LRRTM4: variants seen among roughly 807,000 people sequenced by gnomAD.
The protein encoded by LRRTM4 is leucine-rich repeat transmembrane neuronal protein 4.
LRRTM4 carries 25 observed loss-of-function variants against 47.6 expected under a neutral mutation model. The observed-to-expected ratio is 0.53, with a 90% CI of 0.38 to 0.73. The LOEUF (loss-of-function observed/expected upper bound fraction) is 0.73. LRRTM4 is among the 30% of genes least tolerant of loss of function. The pLI, the probability that LRRTM4 is intolerant of heterozygous loss-of-function variation, is 0.00. For missense variants in LRRTM4, 638 were observed against 713.4 expected, an observed-to-expected ratio of 0.89 and a Z score of 1.20; for synonymous variants, 311 against 269.5, an observed-to-expected ratio of 1.15 and a Z score of -1.51.
chr2:77,323,828 C>G (rs778053436), intron 3 of LRRTM4, among the ~76,000 whole-genome samples: 1 of 151,904 alleles, frequency 6.6e-6, no homozygotes, highest in East Asian at 1.9e-4. Flanking sequence ...TGGTCTTGGG[C>G]GAGTTACTTA....
At chr2:77,484,934 AG>A (rs1217138495) in intron 3 of LRRTM4, among the ~76,000 whole-genome samples, 2 of 152,142 alleles carry the variant, frequency 1.3e-5, no homozygotes, top group African/African-American at 4.8e-5. Context: ...AGCACCAAGG[AG>A]TATCTAGGTG....
chr2:76,947,597 A>T (rs1335645156), intron 3 of LRRTM4, among the ~76,000 whole-genome samples: 1 of 151,676 alleles, frequency 6.6e-6, no homozygotes, highest in African/African-American at 2.4e-5. Flanking sequence ...AGACTAAAAT[A>T]AAAAAAATGA....
At chr2:77,183,305 A>T (rs1673402472) in intron 3 of LRRTM4, among the ~76,000 whole-genome samples, 1 of 152,238 alleles carries the variant, frequency 6.6e-6, no homozygotes, top group African/African-American at 2.4e-5. Flanking sequence ...TAAGACATTT[A>T]TGCAGCCAAA....
At chr2:77,330,957 A>G (rs1282585218) in intron 3 of LRRTM4, among the ~76,000 whole-genome samples, 2 of 152,196 alleles carry the variant, frequency 1.3e-5, no homozygotes, top group African/African-American at 4.8e-5. Flanking sequence ...AAAATAAAGC[A>G]GGATGACTCA....
intron 3 of LRRTM4, among the ~76,000 whole-genome samples, chr2:77,492,398 A>G (rs890922835): frequency 3.3e-5 from 5 of 152,132 alleles, no homozygotes; most frequent in African/African-American, 4.8e-5. Context: ...TATCTGGACT[A>G]CAAGCACATG....
chr2:77,423,360 C>G (rs1360764109), intron 3 of LRRTM4, among the ~76,000 whole-genome samples: 1 of 151,688 alleles, frequency 6.6e-6, no homozygotes, highest in Non-Finnish European at 1.5e-5. Flanking sequence ...AATATAAGGT[C>G]TCATCATTCT....
chr2:77,480,842 A>T (rs1181871445), intron 3 of LRRTM4, among the ~76,000 whole-genome samples: 34 of 139,478 alleles, frequency 2.4e-4, no homozygotes, highest in African/African-American at 8.3e-4. Flanking sequence ...AGAGAGAGAG[A>T]GAGAGAGAGA....
intron 3 of LRRTM4, among the ~76,000 whole-genome samples, chr2:77,207,707 CCTT>C (rs1285372438): frequency 1.3e-5 from 2 of 151,714 alleles, no homozygotes; most frequent in African/African-American, 4.8e-5. Flanking sequence ...TCTAGGTTCT[CCTT>C]AATATTTTCA....
intron 3 of LRRTM4, among the ~76,000 whole-genome samples, chr2:76,817,315 G>GGTT (rs991255779): frequency 1.3e-5 from 2 of 151,896 alleles, no homozygotes; most frequent in African/African-American, 2.4e-5. Flanking sequence ...ATTTGATTTA[G>GGTT]GTTGTTGCTA....
chr2:77,261,795 A>T (rs1439301983), intron 3 of LRRTM4, among the ~76,000 whole-genome samples: 2 of 151,924 alleles, frequency 1.3e-5, no homozygotes, highest in African/African-American at 2.4e-5. Flanking sequence ...TTAACTTAAA[A>T]TTTTTTAGTA....
rs368703427 is a variant in LRRTM4, at chr2:76,796,564, C to T, written c.1552-47648G>A. On this transcript the variant is annotated intron_variant, in intron 3 of 3. Coordinates refer to ENST00000409884, the MANE Select transcript of LRRTM4 (RefSeq NM_001134745.3). ...AGCACGGGCACACTGACACCTCACA[C>T]GGCAGGGTATTCCAACAGACCTGCA... Among the ~76,000 whole-genome samples, 762 of 120,822 alleles carry T rather than the reference C, an allele frequency of 6.3e-3. 11 individuals are homozygous for T. Among genetic ancestry groups the T allele is most frequent in the African/African-American group, 0.026 (695 of 27,236 alleles). The allele number at this position is 120,822 out of a possible 152,430, so 79.3% of individuals were successfully genotyped here. A position where few individuals can be genotyped will look rare whatever the true frequency, so the allele number is the denominator to read the frequency against.
At chr2:77,324,908 A>G (rs1196404170) in intron 3 of LRRTM4, among the ~76,000 whole-genome samples, 1 of 152,176 alleles carries the variant, frequency 6.6e-6, no homozygotes, top group African/African-American at 2.4e-5. Flanking sequence ...AGGTCATGGT[A>G]GACTGATAAA....
intron 3 of LRRTM4, among the ~76,000 whole-genome samples, chr2:77,053,928 A>G (rs1679520035): frequency 1.3e-5 from 2 of 152,188 alleles, no homozygotes; most frequent in South Asian, 2.1e-4. Flanking sequence ...TGAGTGGTAG[A>G]TAATTCAAAC....
intron 3 of LRRTM4, among the ~76,000 whole-genome samples, chr2:77,345,191 TG>T (rs917735218): frequency 3.3e-5 from 5 of 151,354 alleles, no homozygotes; most frequent in Non-Finnish European, 7.4e-5. Context: ...AACAATAAAA[TG>T]GCAGACCTAA....
At chr2:76,839,377 T>G (rs2103925799) in intron 3 of LRRTM4, among the ~76,000 whole-genome samples, 1 of 152,280 alleles carries the variant, frequency 6.6e-6, no homozygotes, top group East Asian at 1.9e-4. Flanking sequence ...GTTTTATAAC[T>G]GAAAATATTT....
At chr2:77,225,679 G>T (rs1286399713) in intron 3 of LRRTM4, among the ~76,000 whole-genome samples, 1 of 152,030 alleles carries the variant, frequency 6.6e-6, no homozygotes, top group Non-Finnish European at 1.5e-5. Flanking sequence ...ATTATTATTT[G>T]CCTACACCTA....
chr2:77,200,396 G>C (rs189902174), intron 3 of LRRTM4, among the ~76,000 whole-genome samples: 2 of 152,102 alleles, frequency 1.3e-5, no homozygotes, highest in Admixed American at 1.3e-4. Flanking sequence ...ATTTATATAT[G>C]TGTGCATATA....
At chr2:77,316,824 G>A (rs1353308113) in intron 3 of LRRTM4, among the ~76,000 whole-genome samples, 3 of 152,288 alleles carry the variant, frequency 2.0e-5, no homozygotes, top group Non-Finnish European at 2.9e-5. Context: ...GAGATTATAT[G>A]CGTGAGCCAC....
rs929307713 is a variant in LRRTM4, at chr2:76,978,039, A to G, written c.1552-229123T>C. On this transcript the variant is annotated intron_variant, in intron 3 of 3. Transcript: ENST00000409884. Reference sequence around the variant, plus strand: ...TGTGAGCTTCCATATGGTCAAACCCATGGCTAAGGAGTCTATGGGGAAGGT... The same window carrying G: ...TGTGAGCTTCCATATGGTCAAACCCGTGGCTAAGGAGTCTATGGGGAAGGT... Among the ~76,000 whole-genome samples, 12 of 152,052 alleles carry G rather than the reference A, an allele frequency of 7.9e-5. No homozygotes were observed. In the South Asian group the frequency reaches 8.3e-4, roughly 10 times the overall value.
Sources: allele counts gnomAD v4.1 joint callset (sites outside exome capture counted in the v4.1 genomes callset), GRCh38; gene constraint gnomAD v4.1.1; transcripts MANE v1.5; gene names NCBI Gene and HGNC (gene_info 2026-07-23, HGNC 2026-07-21).